The following NDP variants were observed in gnomAD, a reference collection of about 807,000 sequenced individuals.
NDP encodes the protein norrin cystine knot growth factor NDP.
A neutral mutation model predicts 8.4 loss-of-function variants in NDP; 2 were observed. That is an observed-to-expected ratio of 0.24 (90% CI 0.10 to 0.75). The LOEUF is 0.75. Among genes scored for constraint, NDP ranks in the 30% least tolerant of loss-of-function variants. The probability of loss-of-function intolerance (pLI) is 0.73; values close to 1 mark genes in which losing one functional copy is unlikely to be tolerated. For synonymous variants in NDP, 55 were observed against 45.6 expected (o/e 1.21, Z -0.83); for missense variants, 81 against 110.1 (o/e 0.74, Z 1.18).
intron 1 of NDP, among the ~76,000 whole-genome samples, chrX:43,971,828 C>T (rs2035892677): frequency 8.9e-6 from 1 of 111,846 alleles, no homozygotes; most frequent in Non-Finnish European, 1.9e-5. Context: ...GCTTATTGGG[C>T]TGGTTATCAG....
At chrX:43,959,764 T>C (rs949795785) in intron 1 of NDP, among the ~76,000 whole-genome samples, 1 of 111,490 alleles carries the variant, frequency 9.0e-6, no homozygotes, top group Non-Finnish European at 1.9e-5. Context: ...AGACAGAAAG[T>C]ATCAAAAATA....
At position 43,958,776 on chromosome X, in the gene NDP, G is replaced by A; in HGVS notation, c.-131C>T. ...AGGATCGGGCTGAAGCTTTCTGGTT[G>A]TCATTGTCCTTTATGTGCTGGAGTT... is the stretch of plus-strand genomic sequence containing the variant. On this transcript the variant is annotated 5_prime_UTR_variant, in exon 2 of 3. Transcript: ENST00000642620. 1.8e-6 allele frequency: 1 copy of A among 570,300 alleles called. No individual in the cohort carries two copies. The highest frequency in any genetic ancestry group is 3.0e-6 in the Non-Finnish European group (1 of 337,402). The allele number at this position is 570,300 out of a possible 1,213,427, so 47.0% of individuals were successfully genotyped here.
Position 43,958,477 on chromosome X carries a change from A to G in NDP, c.169T>C (p.Ser57Pro). 1 of 1,211,292 alleles carries G rather than the reference A, an allele frequency of 8.3e-7. No homozygotes were observed. Residue 57 changes from serine to proline, a missense_variant, in exon 2 of 3, where the codon TCA (serine) becomes CCA (proline). By Grantham distance (74) the Ser-to-Pro change is moderately conservative. Coordinates refer to ENST00000642620, the MANE Select transcript of NDP (RefSeq NM_000266.4). ...CACAGAGACCTTGGTCTTACCTTTG[A>G]GCTACACTTGTACAATGGGTGACTG... ...SISHPLYKCSSKMVLLARCEG... is the reference protein window; with the variant it reads ...SISHPLYKCSPKMVLLARCEG...
Position 43,949,684 on chromosome X carries a change from C to T in NDP, c.*115G>A. On this transcript the variant is annotated 3_prime_UTR_variant, in exon 3 of 3. Coordinates refer to ENST00000642620, the MANE Select transcript of NDP (RefSeq NM_000266.4). ...CTTTATTACTAGAATATGCAGAGTCCCGGGAGAATTGTTGCATCCTTTTTT... is the reference window on the plus strand; with the variant it reads ...CTTTATTACTAGAATATGCAGAGTCTCGGGAGAATTGTTGCATCCTTTTTT... 4 of 674,889 alleles carry T rather than the reference C, an allele frequency of 5.9e-6. No homozygotes were observed. The highest frequency in any genetic ancestry group is 4.7e-5 in the South Asian group (2 of 42,205). The allele number at this position is 674,889 out of a possible 1,213,427, so 55.6% of individuals were successfully genotyped here.
intron 1 of NDP, among the ~76,000 whole-genome samples, chrX:43,965,243 C>T (rs1158184905): frequency 9.1e-6 from 1 of 110,322 alleles, no homozygotes; most frequent in Non-Finnish European, 1.9e-5. Flanking sequence ...AGGGAGACTT[C>T]ATCTCTACAA....
At chrX:43,958,005 C>T (rs1253283351) in intron 2 of NDP, among the ~76,000 whole-genome samples, 1 of 110,186 alleles carries the variant, frequency 9.1e-6, no homozygotes, top group Non-Finnish European at 1.9e-5. Flanking sequence ...CTTTTGAAAT[C>T]ATTTGAACAG....
At chrX:43,952,990 C>A (rs1016568277) in intron 2 of NDP, among the ~76,000 whole-genome samples, 2 of 111,283 alleles carry the variant, frequency 1.8e-5, no homozygotes, top group Admixed American at 9.6e-5. Flanking sequence ...TTGCTTATGT[C>A]TTCTGTCTCC....
intron 1 of NDP, among the ~76,000 whole-genome samples, chrX:43,970,561 A>G (rs181945335): frequency 6.3e-5 from 7 of 110,868 alleles, no homozygotes; most frequent in Admixed American, 9.5e-5. Flanking sequence ...AAAACACCAT[A>G]CTGGGTTATT....
chrX:43,953,575 C>T (rs995396139), intron 2 of NDP, among the ~76,000 whole-genome samples: 1 of 112,556 alleles, frequency 8.9e-6, no homozygotes, highest in Non-Finnish European at 1.9e-5. Context: ...ACCATCATTT[C>T]GCTAATAAGA....
chrX:43,964,834 C>G (rs2035848014), intron 1 of NDP, among the ~76,000 whole-genome samples: 1 of 111,929 alleles, frequency 8.9e-6, no homozygotes, highest in South Asian at 3.8e-4. Flanking sequence ...CTATCCATTT[C>G]TAACAGTCTC....
At chrX:43,950,513 G>A (rs1436366477) in intron 2 of NDP, among the ~76,000 whole-genome samples, 1 of 107,633 alleles carries the variant, frequency 9.3e-6, no homozygotes, top group African/African-American at 3.4e-5. Context: ...CTAAAGAACA[G>A]GAATATAGTT....
chrX:43,970,865 A>T (rs1292520647), intron 1 of NDP, among the ~76,000 whole-genome samples: 1 of 111,991 alleles, frequency 8.9e-6, no homozygotes, highest in Admixed American at 9.5e-5. Flanking sequence ...GAGAGCAGAG[A>T]AAGGATAAAC....
At chrX:43,957,672 T>C (rs753543035) in intron 2 of NDP, among the ~76,000 whole-genome samples, 1 of 109,490 alleles carries the variant, frequency 9.1e-6, no homozygotes, top group South Asian at 4.0e-4. Flanking sequence ...AATGTTTAAG[T>C]GATTTTCATC....
At position 43,950,383 on chromosome X, in the gene NDP, C is replaced by T. The variant is rs191783475; in HGVS notation, c.175-357G>A. On this transcript the variant is annotated intron_variant, in intron 2 of 2. Coordinates refer to ENST00000642620, the MANE Select transcript of NDP (RefSeq NM_000266.4). ...GTAGTGGTCTACCACTGGCCCAATG[C>T]ATTGCAATTCTACCAGTAGCAAAAT... Among the ~76,000 whole-genome samples, 21 of 101,857 alleles carry T rather than the reference C, an allele frequency of 2.1e-4. No homozygotes were observed. In the East Asian group the frequency reaches 6.5e-3, roughly 31 times the overall value. The allele number at this position is 101,857 out of a possible 115,157, so 88.5% of individuals were successfully genotyped here.
intron 1 of NDP, among the ~76,000 whole-genome samples, chrX:43,971,525 G>A (rs964895347): frequency 9.0e-6 from 1 of 111,551 alleles, no homozygotes; most frequent in Admixed American, 9.5e-5. Context: ...GTACACAGTC[G>A]TAAGAAGGCC....
At chrX:43,957,709 G>T (rs2035803278) in intron 2 of NDP, among the ~76,000 whole-genome samples, 1 of 107,063 alleles carries the variant, frequency 9.3e-6, no homozygotes, top group Non-Finnish European at 1.9e-5. Context: ...AAATCTCTGA[G>T]GTTGGGCTAA....
rs104894873 is a variant in NDP, at chrX:43,949,817, G to A, written c.384C>T (p.Cys128=). 2.5e-6 allele frequency: 3 copies of A among 1,177,631 alleles called. No homozygotes were observed. Among genetic ancestry groups the A allele is most frequent in the South Asian group, 3.8e-5 (2 of 53,255 alleles). The change falls in exon 3 of 3, where the codon TGC becomes TGT. Residue 128 remains cysteine, a synonymous_variant. Transcript: ENST00000642620. ...GCGGGCCTCAGGAATTGCATTCCTCGCAGTGACAGGAGAGGATGTACCGGT... is the reference window on the plus strand; with the variant it reads ...GCGGGCCTCAGGAATTGCATTCCTCACAGTGACAGGAGAGGATGTACCGGT... ...ATYRYILSCH[C]EECNS
chrX:43,962,846 C>T (rs1007704119), intron 1 of NDP, among the ~76,000 whole-genome samples: 3 of 111,896 alleles, frequency 2.7e-5, no homozygotes, highest in Non-Finnish European at 5.6e-5. Context: ...CCAAATGATA[C>T]CAGTGGAAAA....
chrX:43,972,462 T>C (rs1231895536), intron 1 of NDP, among the ~76,000 whole-genome samples: 3 of 111,409 alleles, frequency 2.7e-5, no homozygotes, highest in East Asian at 2.8e-4. Flanking sequence ...CCTCGGAATA[T>C]CCCGCAGGTA....
Sources: allele counts gnomAD v4.1 joint callset (sites outside exome capture counted in the v4.1 genomes callset), GRCh38; gene constraint gnomAD v4.1.1; transcripts MANE v1.5; gene names NCBI Gene and HGNC (gene_info 2026-07-23, HGNC 2026-07-21).